Variants in KDM1A observed in about 807,000 individuals in gnomAD.
KDM1A encodes lysine demethylase 1A.
In KDM1A, 49 loss-of-function variants were observed where a neutral mutation model predicts 109.4. The observed-to-expected ratio is 0.45, with a 90% CI of 0.36 to 0.57. The LOEUF is 0.57. Among genes scored for constraint, KDM1A ranks in the 20% least tolerant of loss-of-function variants. KDM1A has a pLI of 0.00. For missense variants in KDM1A, 668 were observed against 1,116.6 expected, an observed-to-expected ratio of 0.60 and a Z score of 5.73; for synonymous variants, 380 against 415.4, an observed-to-expected ratio of 0.91 and a Z score of 1.04.
chr1:23,036,008 A>G (rs1175941875), intron 2 of KDM1A, among the ~76,000 whole-genome samples: 3 of 152,158 alleles, frequency 2.0e-5, no homozygotes, highest in Non-Finnish European at 4.4e-5. Flanking sequence ...TACTGAGTGC[A>G]GTCTGGTGGT....
chr1:23,046,465 T>A (rs938588836), intron 3 of KDM1A, among the ~76,000 whole-genome samples: 2 of 152,174 alleles, frequency 1.3e-5, no homozygotes, highest in African/African-American at 4.8e-5. Context: ...GTTATCTACT[T>A]GATATAAAAA....
intron 4 of KDM1A, 150 bp from the exon 5 acceptor site, chr1:23,053,611 C>G (rs1331973086): frequency 1.6e-6 from 1 of 627,264 alleles, no homozygotes; most frequent in Non-Finnish European, 2.9e-6. Context: ...GTCTCAAACT[C>G]CTGGGCTCAA....
chr1:23,083,477 T>TG lies in KDM1A; in HGVS notation c.*114dup, dbSNP rs1216678171. On this transcript the variant is annotated 3_prime_UTR_variant, in exon 21 of 21. Coordinates refer to ENST00000400181, the MANE Select transcript of KDM1A (RefSeq NM_001009999.3). Reference sequence around the variant, plus strand: ...AAATCCACCCTGGCATCTGGGCTCCTGATCAGCTGATGGAGCTCCTGATTT... The same window carrying TG: ...AAATCCACCCTGGCATCTGGGCTCCTGGATCAGCTGATGGAGCTCCTGATTT... 8 of 1,018,476 alleles carry TG rather than the reference T, an allele frequency of 7.9e-6. No individual in the cohort carries two copies. In the African/African-American group the frequency reaches 1.3e-4, roughly 16 times the overall value. The allele number at this position is 1,018,476 out of a possible 1,614,324, so 63.1% of individuals were successfully genotyped here.
rs1011319451 is a variant in KDM1A at position 23,081,334 on chromosome 1, G to A, written c.2171-112G>A. On this transcript the variant is annotated intron_variant, in intron 18 of 20. Coordinates refer to ENST00000400181, the MANE Select transcript of KDM1A (RefSeq NM_001009999.3). ...TCTCTTCGCATTTGAATGGTACTGC[G>A]TGTGTCTTGTCATCAGATTTCAGAG... 9.4e-5 allele frequency: 113 copies of A among 1,201,220 alleles called. No individual in the cohort carries two copies. In the African/African-American group the frequency reaches 1.2e-3, roughly 13 times the overall value. The allele number at this position is 1,201,220 out of a possible 1,614,324, so 74.4% of individuals were successfully genotyped here. A position where few individuals can be genotyped will look rare whatever the true frequency, so the allele number is the denominator to read the frequency against.
chr1:23,042,920 T>C (rs1010811901), intron 2 of KDM1A, among the ~76,000 whole-genome samples: 5 of 151,798 alleles, frequency 3.3e-5, no homozygotes, highest in Non-Finnish European at 4.4e-5. Flanking sequence ...GGCTAACTTT[T>C]GTGTTTTTAG....
At chr1:23,070,215 T>C (rs1453099696) in intron 12 of KDM1A, among the ~76,000 whole-genome samples, 1 of 152,242 alleles carries the variant, frequency 6.6e-6, no homozygotes, top group Non-Finnish European at 1.5e-5. Flanking sequence ...CTTATGCCTA[T>C]AATCCCAACA....
At chr1:23,043,586 G>A (rs907676200) in intron 2 of KDM1A, among the ~76,000 whole-genome samples, 3 of 152,138 alleles carry the variant, frequency 2.0e-5, no homozygotes, top group African/African-American at 4.8e-5. Flanking sequence ...AGTGTACCAG[G>A]TGACTAGAAG....
Position 23,019,847 on chromosome 1 carries a change from A to C in KDM1A, c.251A>C (p.Gln84Pro). 1 of 1,486,004 alleles carries C rather than the reference A, an allele frequency of 6.7e-7. No individual in the cohort carries two copies. The allele number at this position is 1,486,004 out of a possible 1,614,324, so 92.1% of individuals were successfully genotyped here. The change falls in exon 1 of 21, where the codon CAG becomes CCG. Residue 84 changes from glutamine to proline, a missense_variant. This residue lies in a region of KDM1A where 156 missense variants were observed against 163.4 expected (regional missense o/e 0.95). Transcript: ENST00000400181. ...LAEPPGSAGP[Q>P]AGPTVVPGSA... is the part of the protein sequence containing the mutation. ...GAACCGCCGGGGTCCGCAGGGCCTC[A>C]GGCCGGCCCTACTGTCGTGCCTGGG...
At chr1:23,069,177 C>A in intron 12 of KDM1A, 26 bp downstream of exon 12, 1 of 1,369,560 alleles carries the variant, frequency 7.3e-7, no homozygotes. Context: ...TTCTTCATAG[C>A]TGAAGAAGCT....
At chr1:23,074,677 A>C (rs1018441401) in intron 15 of KDM1A, among the ~76,000 whole-genome samples, 4 of 152,172 alleles carry the variant, frequency 2.6e-5, no homozygotes, top group Non-Finnish European at 5.9e-5. Context: ...CAGAAATTGT[A>C]TGGGTTTAGC....
At chr1:23,067,899 A>T (rs1299632366) in intron 10 of KDM1A, among the ~76,000 whole-genome samples, 3 of 152,206 alleles carry the variant, frequency 2.0e-5, no homozygotes, top group African/African-American at 7.2e-5. Flanking sequence ...GAGGAGCCAG[A>T]CCTTCTGGTC....
intron 9 of KDM1A, among the ~76,000 whole-genome samples, chr1:23,062,640 A>G (rs1465640147): frequency 1.3e-5 from 2 of 152,208 alleles, no homozygotes; most frequent in Admixed American, 6.6e-5. Flanking sequence ...AATCACAATC[A>G]CAAGAATCCC....
chr1:23,050,505 C>A lies in KDM1A; in HGVS notation c.696C>A (p.Phe232Leu), dbSNP rs1020522210. ...AACAGACCCAGAAGGTTTTTCTTTT[C>A]ATTAGAAACCGCACAGTAAGTTTCC... ...GPQQTQKVFL[F>L]IRNRTLQLWL... The change falls in exon 4 of 21, where the codon TTC (phenylalanine) becomes TTA (leucine). Residue 232 changes from phenylalanine to leucine, a missense_variant. Physicochemically the swap from Phe to Leu is conservative, Grantham distance 22 (BLOSUM62 0). This residue lies in a region of KDM1A where 149 missense variants were observed against 189.7 expected (regional missense o/e 0.79). Transcript: ENST00000400181. 9.3e-6 allele frequency: 15 copies of A among 1,608,916 alleles called. No homozygotes were observed. The highest frequency in any genetic ancestry group is 4.0e-5 in the African/African-American group (3 of 74,572).
At chr1:23,037,127 T>C (rs1417468599) in intron 2 of KDM1A, among the ~76,000 whole-genome samples, 5 of 113,010 alleles carry the variant, frequency 4.4e-5, no homozygotes, top group Admixed American at 1.7e-4. Context: ...AAAAAATATA[T>C]ATACACACAC....
rs139693831 is a variant in KDM1A at position 23,030,758 on chromosome 1, T to G, written c.517+124T>G. ...GTTTATAATAAAGTCTGATATTGAG[T>G]CTCCTGCCATGTGTGTCTTTGTGTG... On this transcript the variant is annotated intron_variant, in intron 2 of 20. Transcript: ENST00000400181. 6.7e-4 allele frequency: 657 copies of G among 987,410 alleles called. 6 individuals are homozygous for G. The African/African-American group carries it at 9.4e-3, about 14-fold the overall frequency. 61.2% of individuals were successfully genotyped at this position (987,410 alleles called of 1,614,324 possible). A position where few individuals can be genotyped will look rare whatever the true frequency, so the allele number is the denominator to read the frequency against.
chr1:23,048,205 A>G (rs1642558686), intron 3 of KDM1A, among the ~76,000 whole-genome samples: 1 of 151,958 alleles, frequency 6.6e-6, no homozygotes, highest in African/African-American at 2.4e-5. Flanking sequence ...TAATGTGTAG[A>G]TAAGTTCTTT....
intron 2 of KDM1A, among the ~76,000 whole-genome samples, chr1:23,041,264 CATTCTTT>C (rs768176363): frequency 6.6e-6 from 1 of 152,064 alleles, no homozygotes; most frequent in Non-Finnish European, 1.5e-5. Flanking sequence ...ATAATAACTT[CATTCTTT>C]ATTTCCAAGC....
At chr1:23,071,196 A>G in intron 12 of KDM1A, 29 bp from the exon 13 acceptor site, 1 of 1,576,504 alleles carries the variant, frequency 6.3e-7, no homozygotes, top group Non-Finnish European at 8.6e-7. Context: ...TGCTATCTGG[A>G]ATGGTAAATT....
In KDM1A at chr1:23,044,459, G is replaced by T; in HGVS notation, c.550G>T (p.Gly184Ter). The change falls in exon 3 of 21, where the codon GGA (glycine) becomes TGA (stop). Residue 184 changes from glycine to a stop codon, truncating the protein, a stop_gained. Transcript: ENST00000400181. LOFTEE classifies it high-confidence loss of function. Reference protein sequence around the residue: ...QAGGLQDDSSGGYGDGQASGV... With the variant: ...QAGGLQDDSS ...AGGAGGACTTCAAGACGACAGTTCTGGAGGGTATGGAGACGGCCAAGCATC... is the reference window on the plus strand; with the variant it reads ...AGGAGGACTTCAAGACGACAGTTCTTGAGGGTATGGAGACGGCCAAGCATC... 1 of 1,612,838 alleles carries T rather than the reference G, an allele frequency of 6.2e-7. No individual in the cohort carries two copies. The highest frequency in any genetic ancestry group is 8.5e-7 in the Non-Finnish European group (1 of 1,179,712).
Sources: allele counts gnomAD v4.1 joint callset (sites outside exome capture counted in the v4.1 genomes callset), GRCh38; gene constraint gnomAD v4.1.1; regional missense constraint gnomAD v4.1.1; transcripts MANE v1.5; gene names NCBI Gene and HGNC (gene_info 2026-07-23, HGNC 2026-07-21).